MYO10: variants seen among roughly 807,000 people sequenced by gnomAD.
MYO10 encodes unconventional myosin-X.
MYO10 carries 133 observed loss-of-function variants against 257.3 expected under a neutral mutation model. The observed-to-expected ratio is 0.52, with a 90% CI of 0.45 to 0.60. MYO10 has a LOEUF of 0.60. Ranked by LOEUF, MYO10 falls within the 20% of genes least tolerant of loss-of-function variation. The pLI is 0.00. For synonymous variants in MYO10, 1,104 were observed against 1,028.6 expected, an observed-to-expected ratio of 1.07 and a Z score of -1.40; for missense variants, 2,399 against 2,635.7, an observed-to-expected ratio of 0.91 and a Z score of 1.97.
intron 4 of MYO10, among the ~76,000 whole-genome samples, chr5:16,793,483 C>G (rs901959045): frequency 6.6e-6 from 1 of 152,026 alleles, no homozygotes; most frequent in African/African-American, 2.4e-5. Flanking sequence ...GCCACCGCGC[C>G]TGGCTGATTT....
chr5:16,918,500 C>CTTATTTT lies in MYO10; in HGVS notation c.21+17287_21+17288insAAAATAA, dbSNP rs1745887798. ...ATTTCACTGAAACTATTTTTCTTTT[C>CTTATTTT]TTTTTTTTTTTTTTTTTTTGAGACA... On this transcript the variant is annotated intron_variant, in intron 1 of 40. Coordinates refer to ENST00000513610, the MANE Select transcript of MYO10 (RefSeq NM_012334.3). 4.2e-5 allele frequency among the ~76,000 whole-genome samples: 5 copies of CTTATTTT among 117,692 alleles called. No individual in the cohort carries two copies. In the East Asian group the frequency reaches 1.2e-3, roughly 28 times the overall value. 77.2% of individuals were successfully genotyped at this position (117,692 alleles called of 152,430 possible). A position where few individuals can be genotyped will look rare whatever the true frequency, so the allele number is the denominator to read the frequency against.
chr5:16,785,812 G>A (rs6878154), intron 4 of MYO10, among the ~76,000 whole-genome samples: 107,341 of 151,860 alleles, frequency 0.71, 39,418 homozygotes, highest in Non-Finnish European at 0.82. Context: ...GGAGGTTGCA[G>A]TGAATGGAGA....
At chr5:16,733,126 G>A (rs1424340556) in intron 19 of MYO10, among the ~76,000 whole-genome samples, 4 of 151,874 alleles carry the variant, frequency 2.6e-5, no homozygotes, top group East Asian at 3.9e-4. Context: ...AGAGCAAGAC[G>A]CCATCTCAGA....
At chr5:16,836,866 CG>C (rs1229619947) in intron 2 of MYO10, among the ~76,000 whole-genome samples, 3 of 152,084 alleles carry the variant, frequency 2.0e-5, no homozygotes, top group Non-Finnish European at 2.9e-5. Flanking sequence ...AAAATAAAAA[CG>C]TATGTCCACA....
At chr5:16,747,918 C>CAAAAAA (rs777257950) in intron 19 of MYO10, among the ~76,000 whole-genome samples, 78 of 30,320 alleles carry the variant, frequency 2.6e-3, no homozygotes, top group Non-Finnish European at 0.011. Flanking sequence ...AACTCCGTCT[C>CAAAAAA]AAAAAAAAAA....
At chr5:16,800,562 G>A (rs1405703138) in intron 3 of MYO10, among the ~76,000 whole-genome samples, 3 of 152,170 alleles carry the variant, frequency 2.0e-5, no homozygotes, top group Non-Finnish European at 4.4e-5. Flanking sequence ...CTTTTCTTGA[G>A]GATTCTGGGA....
chr5:16,725,248 AGCTAATTTT>A (rs1278573841), intron 19 of MYO10, among the ~76,000 whole-genome samples: 14 of 151,868 alleles, frequency 9.2e-5, no homozygotes, highest in African/African-American at 3.4e-4. Flanking sequence ...CACCATGCCT[AGCTAATTTT>A]GCTAATTTTT....
intron 27 of MYO10, among the ~76,000 whole-genome samples, chr5:16,690,367 A>G (rs917575010): frequency 1.3e-5 from 2 of 152,140 alleles, no homozygotes; most frequent in Non-Finnish European, 2.9e-5. Flanking sequence ...CCCGTCACCA[A>G]AAGACATGGA....
chr5:16,752,066 A>G (rs1182855083), intron 19 of MYO10, among the ~76,000 whole-genome samples: 2 of 152,132 alleles, frequency 1.3e-5, no homozygotes, highest in Non-Finnish European at 2.9e-5. Flanking sequence ...TATAGGAAAA[A>G]CTAACTCTGT....
chr5:16,689,126 C>T (rs1055134394), intron 28 of MYO10, among the ~76,000 whole-genome samples: 7 of 152,194 alleles, frequency 4.6e-5, no homozygotes, highest in African/African-American at 2.4e-5. Flanking sequence ...TGATACTAAC[C>T]GTTCTCTGTA....
intron 9 of MYO10, among the ~76,000 whole-genome samples, chr5:16,774,807 T>C (rs1054875518): frequency 5.3e-5 from 8 of 152,216 alleles, no homozygotes; most frequent in Non-Finnish European, 8.8e-5. Flanking sequence ...TTTCCAACAC[T>C]GAAAGAGACT....
At chr5:16,866,014 A>ACACACACACACACAC (rs1744236558) in intron 2 of MYO10, among the ~76,000 whole-genome samples, 1 of 136,484 alleles carries the variant, frequency 7.3e-6, no homozygotes, top group African/African-American at 2.8e-5. Flanking sequence ...TATTTACCCA[A>ACACACACACACACAC]ACACACACAC....
intron 2 of MYO10, among the ~76,000 whole-genome samples, chr5:16,840,825 A>G (rs1247004049): frequency 6.6e-6 from 1 of 152,156 alleles, no homozygotes; most frequent in East Asian, 1.9e-4. Context: ...AGGGAGAGTT[A>G]TCTTTAAAAT....
At chr5:16,927,613 C>T (rs1178100185) in intron 1 of MYO10, among the ~76,000 whole-genome samples, 2 of 152,148 alleles carry the variant, frequency 1.3e-5, no homozygotes, top group South Asian at 2.1e-4. Context: ...CTTGAGCCAC[C>T]GCGCCCGGCC....
intron 1 of MYO10, among the ~76,000 whole-genome samples, chr5:16,894,912 C>T (rs2126778355): frequency 6.6e-6 from 1 of 152,292 alleles, no homozygotes; most frequent in South Asian, 2.1e-4. Context: ...GACTAAGACA[C>T]ACTGTAAATT....
At position 16,670,402 on chromosome 5, in the gene MYO10, GAATA is replaced by G. The variant is rs766758694; in HGVS notation, c.5883+120_5883+123del. 3.0e-4 allele frequency: 241 copies of G among 812,106 alleles called. 1 individual carries two copies. The highest frequency in any genetic ancestry group is 4.2e-4 in the Non-Finnish European group (223 of 526,364). 50.3% of individuals were successfully genotyped at this position (812,106 alleles called of 1,614,324 possible). A position where few individuals can be genotyped will look rare whatever the true frequency, so the allele number is the denominator to read the frequency against. On this transcript the variant is annotated intron_variant, in intron 39 of 40. Coordinates refer to ENST00000513610, the MANE Select transcript of MYO10 (RefSeq NM_012334.3). Reference sequence around the variant, plus strand: ...GTTAATGGTACAATTCTGGGGGCTCGAATAAAAGAGGTTGAGAGAGCAAAATGCT... The same window carrying G: ...GTTAATGGTACAATTCTGGGGGCTCGAAAGAGGTTGAGAGAGCAAAATGCT...
chr5:16,725,163 T>C (rs1739311881), intron 19 of MYO10, among the ~76,000 whole-genome samples: 1 of 138,736 alleles, frequency 7.2e-6, no homozygotes, highest in African/African-American at 2.6e-5. Flanking sequence ...CTCAGCTCAC[T>C]GCAACCTCAG....
At chr5:16,706,736 T>C (rs1200361555) in intron 21 of MYO10, among the ~76,000 whole-genome samples, 1 of 152,244 alleles carries the variant, frequency 6.6e-6, no homozygotes, top group Non-Finnish European at 1.5e-5. Flanking sequence ...GCTTTAGTTT[T>C]CAGTCCATTA....
intron 16 of MYO10, 31 bp from the exon 17 acceptor site, chr5:16,761,577 T>A: frequency 6.6e-7 from 1 of 1,525,100 alleles, no homozygotes; most frequent in Non-Finnish European, 9.1e-7. Context: ...AGGAGAAAAC[T>A]GATTGAAAGA....
Sources: allele counts gnomAD v4.1 joint callset (sites outside exome capture counted in the v4.1 genomes callset), GRCh38; gene constraint gnomAD v4.1.1; transcripts MANE v1.5; gene names NCBI Gene and HGNC (gene_info 2026-07-23, HGNC 2026-07-21).